The following GSDMD variants were observed in gnomAD, a reference collection of about 807,000 sequenced individuals.
GSDMD encodes gasdermin D.
In GSDMD, 46 loss-of-function variants were observed where a neutral mutation model predicts 46.7. The ratio of observed to expected loss-of-function variants is 0.99; its 90% CI spans 0.78 to 1.26. GSDMD has a LOEUF of 1.26. Ranked by LOEUF, GSDMD falls within the 50% of genes most tolerant of loss-of-function variation. The pLI, the probability that GSDMD is intolerant of heterozygous loss-of-function variation, is 0.00. For missense variants in GSDMD, 649 were observed against 638.8 expected (o/e 1.02, Z -0.17); for synonymous variants, 307 against 283.1 (o/e 1.08, Z -0.85).
At chr8:143,561,617 C>T in intron 6 of GSDMD, 125 bp from the exon 7 acceptor site, 1 of 956,602 alleles carries the variant, frequency 1.0e-6, no homozygotes. Flanking sequence ...CCCTTCCTGC[C>T]CTGGGCTGCC....
chr8:143,560,057 TG>T (rs756467240), intron 3 of GSDMD, 88 bp downstream of exon 3: 5 of 1,289,032 alleles, frequency 3.9e-6, no homozygotes, highest in Non-Finnish European at 4.4e-6. Context: ...AATTATTTTT[TG>T]AGGTGAGGTT....
At chr8:143,557,745 A>C, upstream of GSDMD, 1 of 291,706 alleles carries the variant, frequency 3.4e-6, no homozygotes, top group Non-Finnish European at 6.8e-6. Flanking sequence ...CATCTTTGTC[A>C]GTGTGCAGTA....
chr8:143,560,946 C>T, intron 4 of GSDMD, 56 bp from the exon 5 acceptor site: 1 of 1,565,914 alleles, frequency 6.4e-7, no homozygotes, highest in Non-Finnish European at 8.8e-7. Flanking sequence ...CGGCCCGCAC[C>T]CGCACCCCAC....
intron 2 of GSDMD, 80 bp downstream of exon 2, chr8:143,559,632 G>A: frequency 4.1e-6 from 6 of 1,467,806 alleles, no homozygotes; most frequent in Non-Finnish European, 5.6e-6. Flanking sequence ...CCATCCACTG[G>A]GCTCTGCAGC....
At chr8:143,557,961 C>G, upstream of GSDMD, 1 of 433,628 alleles carries the variant, frequency 2.3e-6, no homozygotes, top group Admixed American at 2.6e-5. Flanking sequence ...ATGGCATGAT[C>G]TCGGCTCACT....
intron 4 of GSDMD, 100 bp downstream of exon 4, chr8:143,560,871 A>G: frequency 7.0e-7 from 1 of 1,431,598 alleles, no homozygotes; most frequent in Non-Finnish European, 9.3e-7. Context: ...CCCTCGGAGC[A>G]GCTCCCAGCC....
Position 143,562,440 on chromosome 8 carries a change from T to G in GSDMD, c.1139-8T>G, listed in dbSNP as rs1465202498. On this transcript the variant is annotated splice_region_variant and splice_polypyrimidine_tract_variant and intron_variant, in intron 9 of 10. Transcript: ENST00000262580. Reference sequence around the variant, plus strand: ...TCAGAAACCCCCTTTTACCTGACTCTCTCCCAGTGCTGAGTGAAACGCAGC... The same window carrying G: ...TCAGAAACCCCCTTTTACCTGACTCGCTCCCAGTGCTGAGTGAAACGCAGC... 10 of 1,606,398 alleles carry G rather than the reference T, an allele frequency of 6.2e-6. No individual in the cohort carries two copies. The highest frequency in any genetic ancestry group is 8.5e-6 in the Non-Finnish European group (10 of 1,178,632).
At chr8:143,555,594 G>A (rs1823285522), upstream of GSDMD, among the ~76,000 whole-genome samples, 1 of 152,216 alleles carries the variant, frequency 6.6e-6, no homozygotes, top group Non-Finnish European at 1.5e-5. Context: ...CATGGAGGCT[G>A]CAGCACAACA....
At chr8:143,556,472 G>A (rs1823298506), upstream of GSDMD, among the ~76,000 whole-genome samples, 1 of 152,244 alleles carries the variant, frequency 6.6e-6, no homozygotes, top group South Asian at 2.1e-4. Flanking sequence ...TTGAGCCCAG[G>A]AGGTCGAGGC....
At chr8:143,554,119 G>A (rs1392298413), upstream of GSDMD, among the ~76,000 whole-genome samples, 1 of 152,270 alleles carries the variant, frequency 6.6e-6, no homozygotes. Flanking sequence ...AGAAAAGCGG[G>A]AGGAGGGGAG....
chr8:143,555,891 G>A (rs755604820), upstream of GSDMD: 1 of 152,104 alleles, frequency 6.6e-6, no homozygotes, highest in Non-Finnish European at 1.5e-5. Context: ...GCAACATAGT[G>A]AGACCTTTCT....
chr8:143,560,524 G>GGTGGC, intron 3 of GSDMD, 79 bp from the exon 4 acceptor site: 1 of 1,441,142 alleles, frequency 6.9e-7, no homozygotes. Flanking sequence ...CACCTCCCCC[G>GGTGGC]GTGGCGTGGG....
chr8:143,560,800 GC>G (rs1337914643), intron 4 of GSDMD, 29 bp downstream of exon 4: 1 of 1,496,972 alleles, frequency 6.7e-7, no homozygotes, highest in Admixed American at 2.4e-5. Context: ...GCCACGCCTG[GC>G]CCCCCACGTG....
intron 5 of GSDMD, 21 bp from the exon 6 acceptor site, chr8:143,561,349 C>A: frequency 6.3e-7 from 1 of 1,593,316 alleles, no homozygotes; most frequent in South Asian, 1.1e-5. Flanking sequence ...CTGTCCCTGT[C>A]TGCTCCCGTC....
chr8:143,561,483 G>A (rs1219715917), intron 6 of GSDMD, 60 bp downstream of exon 6: 2 of 1,514,698 alleles, frequency 1.3e-6, no homozygotes, highest in Non-Finnish European at 9.0e-7. Context: ...TCCCTGGGCA[G>A]TTGAGGCCTT....
intron 1 of GSDMD, chr8:143,558,970 G>T: frequency 1.8e-6 from 1 of 570,216 alleles, no homozygotes; most frequent in South Asian, 1.6e-5. Context: ...ACTCTGGCTG[G>T]GTTTTGCAGT....
At chr8:143,558,337 C>G (rs1214676411), upstream of GSDMD, 5 of 1,522,964 alleles carry the variant, frequency 3.3e-6, no homozygotes, top group Non-Finnish European at 4.4e-6. Context: ...GCGGGCCCTG[C>G]GTCAGGTTGC....
chr8:143,559,988 G>A lies in GSDMD; in HGVS notation c.410+19G>A. 1.9e-6 allele frequency: 3 copies of A among 1,604,528 alleles called. No individual in the cohort carries two copies. Among genetic ancestry groups the A allele is most frequent in the South Asian group, 2.2e-5 (2 of 90,750 alleles). On this transcript the variant is annotated intron_variant, in intron 3 of 10. Transcript: ENST00000262580. The stretch of plus-strand genomic sequence containing the variant: ...ATGAGAGGTGGGCCCGAAGAGGGCA[G>A]GGCAGGGCAGGGCCCCACCTACCCC...
At chr8:143,558,989 G>GTTGA in intron 1 of GSDMD, 1 of 533,660 alleles carries the variant, frequency 1.9e-6, no homozygotes. Context: ...GTGGGTCCCT[G>GTTGA]CACCACGCTC....
Sources: gnomAD v4.1 joint callset for allele counts (sites outside exome capture counted in the v4.1 genomes callset) on GRCh38, gnomAD v4.1.1 for gene constraint, MANE v1.5 for transcripts, NCBI Gene and HGNC (gene_info 2026-07-23, HGNC 2026-07-21) for gene names.